The following B3GALT1 variants were observed in gnomAD, a reference collection of about 807,000 sequenced individuals.
B3GALT1 encodes the protein UDP-Gal:betaGlcNAc beta 1,3-galactosyltransferase, polypeptide 1.
In B3GALT1, 10 loss-of-function variants were observed where a neutral mutation model predicts 23.2. The ratio of observed to expected loss-of-function variants is 0.43; its 90% CI spans 0.27 to 0.73. B3GALT1 has a LOEUF of 0.73. Ranked by LOEUF, B3GALT1 falls within the 30% of genes least tolerant of loss-of-function variation. B3GALT1 has a pLI of 0.21. For missense variants in B3GALT1, 299 were observed against 405.4 expected, an observed-to-expected ratio of 0.74 and a Z score of 2.25; for synonymous variants, 156 against 141.5, an observed-to-expected ratio of 1.10 and a Z score of -0.73.
intron 3 of B3GALT1, among the ~76,000 whole-genome samples, chr2:167,738,974 AT>A (rs1687532889): frequency 6.6e-6 from 1 of 152,200 alleles, no homozygotes; most frequent in South Asian, 2.1e-4. Flanking sequence ...TCATTCCTTT[AT>A]GATTGGACAT....
chr2:167,606,683 G>C (rs1574164258), intron 2 of B3GALT1, among the ~76,000 whole-genome samples: 1 of 152,252 alleles, frequency 6.6e-6, no homozygotes, highest in African/African-American at 2.4e-5. Context: ...TTGTGATTTA[G>C]TTTAGCCAGA....
intron 2 of B3GALT1, among the ~76,000 whole-genome samples, chr2:167,507,707 G>A (rs1699941416): frequency 6.6e-6 from 1 of 151,976 alleles, no homozygotes; most frequent in Non-Finnish European, 1.5e-5. Context: ...GAAACTATGT[G>A]CATAAAGCCC....
At chr2:167,722,940 G>A (rs1687256426) in intron 3 of B3GALT1, among the ~76,000 whole-genome samples, 1 of 152,154 alleles carries the variant, frequency 6.6e-6, no homozygotes. Context: ...TTCAATGATA[G>A]ATGAGTCCAA....
At chr2:167,557,257 G>A (rs1683870630) in intron 2 of B3GALT1, among the ~76,000 whole-genome samples, 1 of 151,766 alleles carries the variant, frequency 6.6e-6, no homozygotes, top group Non-Finnish European at 1.5e-5. Flanking sequence ...ATACTTTTAT[G>A]AATTATAAAC....
chr2:167,499,540 G>A (rs922572194), intron 2 of B3GALT1, among the ~76,000 whole-genome samples: 6 of 152,054 alleles, frequency 3.9e-5, no homozygotes, highest in Admixed American at 2.0e-4. Context: ...TATATTTGAT[G>A]GCAAATCTGG....
At position 167,701,043 on chromosome 2, in the gene B3GALT1, T is replaced by C. The variant is rs140978595; in HGVS notation, c.-352+54077T>C. On this transcript the variant is annotated intron_variant, in intron 3 of 4. Coordinates refer to ENST00000392690, the MANE Select transcript of B3GALT1 (RefSeq NM_020981.4). ...TGCCTAGCACAATATAAATTTAATA[T>C]TCACGTCAACCTTATAAGAAAAGCA... 6.6e-5 allele frequency among the ~76,000 whole-genome samples: 10 copies of C among 152,330 alleles called. No homozygotes were observed. The East Asian group carries it at 1.5e-3, about 24-fold the overall frequency.
At chr2:167,351,328 T>G (rs1467904082) in intron 1 of B3GALT1, among the ~76,000 whole-genome samples, 1 of 152,092 alleles carries the variant, frequency 6.6e-6, no homozygotes, top group Non-Finnish European at 1.5e-5. Flanking sequence ...AATGTCATTT[T>G]AAGTTTTGTC....
chr2:167,473,925 A>G (rs188747226), intron 1 of B3GALT1, among the ~76,000 whole-genome samples: 73 of 152,316 alleles, frequency 4.8e-4, no homozygotes, highest in African/African-American at 1.7e-3. Flanking sequence ...TTATTTTCAG[A>G]TCTGGGAGTG....
In B3GALT1 at chr2:167,411,378, CAAAA is replaced by C. The variant is rs60719828; in HGVS notation, c.-510-78781_-510-78778del. Among the ~76,000 whole-genome samples the C allele has an allele frequency of 5.8e-3, 786 of 136,510 alleles. 8 individuals carry two copies. The highest frequency in any genetic ancestry group is 0.018 in the African/African-American group (663 of 36,296). 89.6% of individuals were successfully genotyped at this position (136,510 alleles called of 152,430 possible). A position where few individuals can be genotyped will look rare whatever the true frequency, so the allele number is the denominator to read the frequency against. ...AACAACTCAATAGCAAACAAAAAAC[CAAAA>C]AAAAAAAAAAAAAAAAACCACACAA... On this transcript the variant is annotated intron_variant, in intron 1 of 4. Coordinates refer to ENST00000392690, the MANE Select transcript of B3GALT1 (RefSeq NM_020981.4).
At chr2:167,633,377 AT>A (rs1231571253) in intron 2 of B3GALT1, among the ~76,000 whole-genome samples, 1 of 151,970 alleles carries the variant, frequency 6.6e-6, no homozygotes, top group Non-Finnish European at 1.5e-5. Context: ...GGCAACTTGG[AT>A]AAAGAGTCAA....
chr2:167,518,197 A>G (rs1700132514), intron 2 of B3GALT1, among the ~76,000 whole-genome samples: 1 of 152,146 alleles, frequency 6.6e-6, no homozygotes, highest in South Asian at 2.1e-4. Flanking sequence ...ATTGCCCTAT[A>G]CAGGAATCAA....
At chr2:167,336,633 A>G (rs1307961403) in intron 1 of B3GALT1, among the ~76,000 whole-genome samples, 1 of 152,204 alleles carries the variant, frequency 6.6e-6, no homozygotes. Flanking sequence ...CTTTTAAAAT[A>G]TAGATACTTA....
rs760546847 is a variant in B3GALT1, at chr2:167,727,104, C to CT, written c.-352+80148dup. On this transcript the variant is annotated intron_variant, in intron 3 of 4. Transcript: ENST00000392690. ...CATTGACCAGTACAAGGCATCTTTA[C>CT]TTTTTTTTTTAGCTTAGAGATACCA... 7.9e-3 allele frequency among the ~76,000 whole-genome samples: 768 copies of CT among 97,094 alleles called. 4 individuals carry two copies. The highest frequency in any genetic ancestry group is 0.015 in the African/African-American group (316 of 21,626). The allele number at this position is 97,094 out of a possible 152,430, so 63.7% of individuals were successfully genotyped here.
chr2:167,552,985 C>T (rs1047162103), intron 2 of B3GALT1, among the ~76,000 whole-genome samples: 4 of 152,080 alleles, frequency 2.6e-5, no homozygotes, highest in African/African-American at 9.7e-5. Context: ...GTCTTCAGTA[C>T]TTGAATGTGT....
At chr2:167,681,796 C>T (rs1445583018) in intron 3 of B3GALT1, among the ~76,000 whole-genome samples, 1 of 152,166 alleles carries the variant, frequency 6.6e-6, no homozygotes, top group Non-Finnish European at 1.5e-5. Context: ...CCAAGATGCT[C>T]ATGGCACCGT....
At chr2:167,823,642 A>G (rs190265800) in intron 4 of B3GALT1, among the ~76,000 whole-genome samples, 16 of 152,310 alleles carry the variant, frequency 1.1e-4, no homozygotes, top group African/African-American at 3.4e-4. Flanking sequence ...CAACAAGTAC[A>G]TATGGAACAC....
chr2:167,804,132 G>A (rs977083134), intron 3 of B3GALT1, among the ~76,000 whole-genome samples: 2 of 152,062 alleles, frequency 1.3e-5, no homozygotes, highest in Non-Finnish European at 2.9e-5. Flanking sequence ...TGGGATTACA[G>A]GTGGGCACCA....
At chr2:167,719,475 G>A (rs1215169303) in intron 3 of B3GALT1, among the ~76,000 whole-genome samples, 2 of 152,144 alleles carry the variant, frequency 1.3e-5, no homozygotes, top group Non-Finnish European at 2.9e-5. Context: ...CAAATTTATA[G>A]AAAATAGAAT....
At position 167,486,072 on chromosome 2, in the gene B3GALT1, A is replaced by ATTCTTCAG. The variant is rs1486684676; in HGVS notation, c.-510-4104_-510-4097dup. 6.6e-5 allele frequency among the ~76,000 whole-genome samples: 10 copies of ATTCTTCAG among 152,296 alleles called. No homozygotes were observed. In the South Asian group the frequency reaches 2.1e-3, roughly 32 times the overall value. ...AGTCTTAAGTGCAAATATTTATGAG[A>ATTCTTCAG]TTCTTCAGGCTGGACGTGGTGGCTC... On this transcript the variant is annotated intron_variant, in intron 1 of 4. Coordinates refer to ENST00000392690, the MANE Select transcript of B3GALT1 (RefSeq NM_020981.4).
Sources: allele counts gnomAD v4.1 joint callset (sites outside exome capture counted in the v4.1 genomes callset), GRCh38; gene constraint gnomAD v4.1.1; transcripts MANE v1.5; gene names NCBI Gene and HGNC (gene_info 2026-07-23, HGNC 2026-07-21).